PDE1C: variants seen among roughly 807,000 people sequenced by gnomAD.
PDE1C encodes the protein dual specificity calcium/calmodulin-dependent 3',5'-cyclic nucleotide phosphodiesterase 1C.
Under a neutral mutation model 93.1 loss-of-function variants are expected in PDE1C, and 62 were observed. That is an observed-to-expected ratio of 0.67 (90% CI 0.54 to 0.82). The LOEUF (loss-of-function observed/expected upper bound fraction) is 0.82. PDE1C is among the 40% of genes least tolerant of loss of function. The pLI is 0.00. For synonymous variants in PDE1C, 325 were observed against 310.1 expected (o/e 1.05, Z -0.50); for missense variants, 742 against 884.6 (o/e 0.84, Z 2.04).
the PDE1C span, among the ~76,000 whole-genome samples, chr7:31,671,845 A>G: frequency 6.6e-6 from 1 of 152,164 alleles, no homozygotes; most frequent in African/African-American, 2.4e-5. Flanking sequence ...GAACACCGGA[A>G]CCAGGGCACA....
chr7:32,231,958 TAC>T lies in PDE1C; in HGVS notation c.86-22421_86-22420del, dbSNP rs920777957. Among the ~76,000 whole-genome samples, 438 of 55,846 alleles carry T rather than the reference TAC, an allele frequency of 7.8e-3. 4 individuals carry two copies. Among genetic ancestry groups the T allele is most frequent in the African/African-American group, 0.051 (416 of 8,178 alleles). 36.6% of individuals were successfully genotyped at this position (55,846 alleles called of 152,430 possible). On this transcript the variant is annotated intron_variant, in intron 1 of 18. Coordinates refer to the PDE1C transcript ENST00000396193. ...TGATTAAAACAAATAAATATGTGTA[TAC>T]ACACACACACACACACACACACACA...
intron 1 of PDE1C, among the ~76,000 whole-genome samples, chr7:32,226,198 C>T (rs1346379049): frequency 6.6e-6 from 1 of 152,192 alleles, no homozygotes; most frequent in Admixed American, 6.5e-5. Context: ...AAAGCCCCGT[C>T]TCTATCTGTC....
intron 2 of PDE1C, among the ~76,000 whole-genome samples, chr7:31,925,781 G>C (rs931944510): frequency 1.3e-5 from 2 of 152,090 alleles, no homozygotes; most frequent in African/African-American, 4.8e-5. Context: ...TGATTTCAAA[G>C]AATCATGAAT....
intron 1 of PDE1C, among the ~76,000 whole-genome samples, chr7:32,276,405 A>G (rs1811291385): frequency 6.6e-6 from 1 of 152,210 alleles, no homozygotes; most frequent in African/African-American, 2.4e-5. Context: ...CTTCCCAAAC[A>G]TACAACATCT....
At chr7:32,315,378 G>A (rs1436419270) in intron 1 of PDE1C, among the ~76,000 whole-genome samples, 2 of 151,828 alleles carry the variant, frequency 1.3e-5, no homozygotes, top group Non-Finnish European at 2.9e-5. Flanking sequence ...TGAAAGGAAG[G>A]AAGGTAGAGA....
rs376241950 is a variant in PDE1C at position 31,850,609 on chromosome 7, T to TG, written c.851+31dup. On this transcript the variant is annotated intron_variant, in intron 8 of 17. Transcript: ENST00000396191. ...CTAAAACTGTCTCTCTGACCCCTCT[T>TG]GCCTCTCTTCCAAACATTTAAACAC... 43 of 1,416,474 alleles carry TG rather than the reference T, an allele frequency of 3.0e-5. No individual in the cohort carries two copies. The African/African-American group carries it at 4.9e-4, about 16-fold the overall frequency. The allele number at this position is 1,416,474 out of a possible 1,614,324, so 87.7% of individuals were successfully genotyped here.
chr7:31,974,543 T>C (rs544348884), intron 2 of PDE1C, among the ~76,000 whole-genome samples: 1 of 152,176 alleles, frequency 6.6e-6, no homozygotes, highest in African/African-American at 2.4e-5. Flanking sequence ...TGTCTTTGAA[T>C]GACGTTTACC....
At chr7:32,203,393 C>T (rs1161435756) in intron 2 of PDE1C, among the ~76,000 whole-genome samples, 1 of 152,118 alleles carries the variant, frequency 6.6e-6, no homozygotes, top group Non-Finnish European at 1.5e-5. Flanking sequence ...ATCACCATGT[C>T]ATAGGTGCTG....
At chr7:32,098,140 G>A (rs1797857481) in intron 3 of PDE1C, among the ~76,000 whole-genome samples, 1 of 143,172 alleles carries the variant, frequency 7.0e-6, no homozygotes, top group Admixed American at 7.1e-5. Context: ...TGAGGCAGGA[G>A]AATGGCGTGA....
At position 32,286,758 on chromosome 7, in the gene PDE1C, G is replaced by T. The variant is rs905269504; in HGVS notation, c.85+11893C>A. Among the ~76,000 whole-genome samples, 4 of 152,190 alleles carry T rather than the reference G, an allele frequency of 2.6e-5. No homozygotes were observed. In the South Asian group the frequency reaches 8.3e-4, roughly 32 times the overall value. ...TGTATGATCCCATTTAAATAGAACT[G>T]CAATAGAATAGTATGTGGACCAAGG... On this transcript the variant is annotated intron_variant, in intron 1 of 18. Coordinates refer to the PDE1C transcript ENST00000396193.
intron 1 of PDE1C, among the ~76,000 whole-genome samples, chr7:32,321,950 T>C (rs542205548): frequency 6.6e-6 from 1 of 152,332 alleles, no homozygotes; most frequent in East Asian, 1.9e-4. Context: ...ATTAAATGTA[T>C]TAAATGTGTG....
chr7:32,064,326 G>A (rs1165288057), intron 1 of PDE1C, among the ~76,000 whole-genome samples: 2 of 152,128 alleles, frequency 1.3e-5, no homozygotes, highest in Non-Finnish European at 2.9e-5. Flanking sequence ...ATCCTAGCCT[G>A]CTCTTATCTC....
At chr7:31,881,585 G>A (rs1415360953) in intron 2 of PDE1C, among the ~76,000 whole-genome samples, 2 of 152,146 alleles carry the variant, frequency 1.3e-5, no homozygotes, top group African/African-American at 4.8e-5. Flanking sequence ...TGCGGTAACT[G>A]AGAATACTGT....
intron 9 of PDE1C, among the ~76,000 whole-genome samples, chr7:31,844,595 T>C (rs1306078341): frequency 6.6e-6 from 1 of 152,084 alleles, no homozygotes. Context: ...GCAGTTTGAC[T>C]ATAATATGTG....
chr7:32,159,496 G>C (rs1801778055), intron 3 of PDE1C, among the ~76,000 whole-genome samples: 1 of 152,180 alleles, frequency 6.6e-6, no homozygotes, highest in Admixed American at 6.5e-5. Context: ...TGCAGTTAAA[G>C]TCATTCATCA....
At chr7:32,407,119 C>CA (rs1265061115) in intron 1 of PDE1C, among the ~76,000 whole-genome samples, 3 of 152,014 alleles carry the variant, frequency 2.0e-5, no homozygotes, top group Non-Finnish European at 2.9e-5. Flanking sequence ...ACTAAAAATG[C>CA]AAAAAATTAT....
chr7:31,746,665 G>T (rs1157860762), downstream of PDE1C, among the ~76,000 whole-genome samples: 1 of 152,188 alleles, frequency 6.6e-6, no homozygotes, highest in Admixed American at 6.5e-5. Flanking sequence ...TTCAGTGGGG[G>T]AAACCAGTTT....
intron 2 of PDE1C, among the ~76,000 whole-genome samples, chr7:31,910,857 T>G (rs1402899228): frequency 1.3e-5 from 2 of 152,356 alleles, no homozygotes; most frequent in East Asian, 3.9e-4. Flanking sequence ...CTGGCCCACG[T>G]AAACACCAGA....
At chr7:32,336,642 C>A (rs1159283911) in intron 1 of PDE1C, among the ~76,000 whole-genome samples, 4 of 152,144 alleles carry the variant, frequency 2.6e-5, no homozygotes, top group Admixed American at 2.0e-4. Flanking sequence ...AGTTCCAAAA[C>A]CAGATGATCA....
Sources: gnomAD v4.1 joint callset for allele counts (sites outside exome capture counted in the v4.1 genomes callset) on GRCh38, gnomAD v4.1.1 for gene constraint, MANE v1.5 for transcripts, NCBI Gene and HGNC (gene_info 2026-07-23, HGNC 2026-07-21) for gene names.